Variants in KANSL3 observed in about 807,000 individuals in gnomAD.
KANSL3 encodes KAT8 regulatory NSL complex subunit 3.
In KANSL3, 16 loss-of-function variants were observed where a neutral mutation model predicts 89.2. That is an observed-to-expected ratio of 0.18 (90% CI 0.12 to 0.27). The LOEUF (loss-of-function observed/expected upper bound fraction) is 0.27. Among genes scored for constraint, KANSL3 ranks in the 10% least tolerant of loss-of-function variants. KANSL3 has a pLI of 1.00. For missense variants in KANSL3, 879 were observed against 1,110.6 expected (o/e 0.79, Z 2.96); for synonymous variants, 385 against 419.7 (o/e 0.92, Z 1.01).
At chr2:96,633,677 G>A (rs2073834184) in intron 2 of KANSL3, among the ~76,000 whole-genome samples, 1 of 151,968 alleles carries the variant, frequency 6.6e-6, no homozygotes, top group Non-Finnish European at 1.5e-5. Context: ...ACCAGCCTGG[G>A]CAACATGGTG....
downstream of KANSL3, among the ~76,000 whole-genome samples, chr2:96,590,456 C>A (rs1261947438): frequency 1.3e-5 from 2 of 151,812 alleles, no homozygotes; most frequent in Non-Finnish European, 2.9e-5. Flanking sequence ...TGACACCCGG[C>A]TAATTTGTAT....
chr2:96,590,987 A>AAAAACAAAAC (rs61301801), downstream of KANSL3, among the ~76,000 whole-genome samples: 144 of 151,564 alleles, frequency 9.5e-4, 1 homozygote, highest in African/African-American at 2.8e-3. Flanking sequence ...CTCCGTCTCA[A>AAAAACAAAAC]AAAACAAAAC....
intron 14 of KANSL3, chr2:96,607,125 T>C (rs2068101564): frequency 2.1e-6 from 2 of 944,804 alleles, no homozygotes; most frequent in African/African-American, 1.7e-5. Flanking sequence ...AGAAAAAAGG[T>C]TGTAGAAAAT....
At chr2:96,625,530 ATT>A (rs2072134054) in intron 3 of KANSL3, among the ~76,000 whole-genome samples, 1 of 152,170 alleles carries the variant, frequency 6.6e-6, no homozygotes, top group Non-Finnish European at 1.5e-5. Flanking sequence ...TGCTTTCCCT[ATT>A]TGTTTTTCTT....
chr2:96,619,732 T>C lies in KANSL3; in HGVS notation c.417A>G (p.Leu139=), dbSNP rs768491158. 1 of 1,559,666 alleles carries C rather than the reference T, an allele frequency of 6.4e-7. No homozygotes were observed. The highest frequency in any genetic ancestry group is 1.4e-5 in the African/African-American group (1 of 73,446). Residue 139 remains leucine (L), a synonymous_variant, in exon 4 of 21, where the codon CTA becomes CTG. Transcript: ENST00000431828. ...RTGWTMAQNK[L]FNKILKALQS... ...GCAGGGCTTTGAGGATCTTGTTGAA[T>C]AGCTTGTTCTGGGCCATTGTCCAGC...
chr2:96,593,335 G>A lies in KANSL3; in HGVS notation c.*2276C>T, dbSNP rs1032295578. ...CAAAACACAAGGACATCTCCATAGG[G>A]CATCAACATGCATCTGTCATCCAAG... is the stretch of plus-strand genomic sequence containing the variant. On this transcript the variant is annotated 3_prime_UTR_variant, in exon 21 of 21. Transcript: ENST00000431828. 8.8e-6 allele frequency: 4 copies of A among 455,480 alleles called. No individual in the cohort carries two copies. The highest frequency in any genetic ancestry group is 6.9e-5 in the East Asian group (1 of 14,408). The allele number at this position is 455,480 out of a possible 1,614,324, so 28.2% of individuals were successfully genotyped here. A position where few individuals can be genotyped will look rare whatever the true frequency, so the allele number is the denominator to read the frequency against.
chr2:96,634,966 T>C (rs1042085239), intron 2 of KANSL3, among the ~76,000 whole-genome samples: 1 of 152,194 alleles, frequency 6.6e-6, no homozygotes, highest in African/African-American at 2.4e-5. Flanking sequence ...TTCCTTCCAA[T>C]TCACCATAGC....
chr2:96,612,522 C>G lies in KANSL3; in HGVS notation c.954G>C (p.Gly318=), dbSNP rs777714084. ...GCTCGAGACACTGTAGAACTCCTACCCCACTGCCATTGTTCAGCAGATGGG... is the reference window on the plus strand; with the variant it reads ...GCTCGAGACACTGTAGAACTCCTACGCCACTGCCATTGTTCAGCAGATGGG... The part of the protein sequence containing the change: ...VATHLLNNGS[G]VGVLQCLEHM... The change falls in exon 8 of 21, where the codon GGG becomes GGC. Residue 318 remains glycine (G), a synonymous_variant. Coordinates refer to ENST00000431828, the MANE Select transcript of KANSL3 (RefSeq NM_001115016.3). 17 of 1,613,848 alleles carry G rather than the reference C, an allele frequency of 1.1e-5. No individual in the cohort carries two copies. Among genetic ancestry groups the G allele is most frequent in the Non-Finnish European group, 4.2e-6 (5 of 1,179,878 alleles).
intron 20 of KANSL3, chr2:96,600,599 G>C: frequency 2.0e-6 from 2 of 985,406 alleles, no homozygotes; most frequent in Non-Finnish European, 2.4e-6. Context: ...AAAGGACAGG[G>C]AGACACAGGA....
downstream of KANSL3, among the ~76,000 whole-genome samples, chr2:96,591,929 T>C (rs2066282876): frequency 6.6e-6 from 1 of 152,214 alleles, no homozygotes; most frequent in Non-Finnish European, 1.5e-5. Context: ...AGAGCTATTT[T>C]GGTGGTGAAT....
At chr2:96,595,749 A>G in intron 20 of KANSL3, 118 bp from the exon 21 acceptor site, 2 of 1,191,856 alleles carry the variant, frequency 1.7e-6, no homozygotes, top group Non-Finnish European at 2.4e-6. Context: ...TTAATTCTCA[A>G]TAGGAAAGAA....
downstream of KANSL3, among the ~76,000 whole-genome samples, chr2:96,588,454 C>T (rs974065075): frequency 5.3e-5 from 8 of 151,994 alleles, no homozygotes; most frequent in African/African-American, 1.9e-4. Context: ...AATGTGTTGC[C>T]GCTGACAACA....
downstream of KANSL3, among the ~76,000 whole-genome samples, chr2:96,590,449 C>T (rs1245875296): frequency 6.6e-6 from 1 of 151,864 alleles, no homozygotes; most frequent in African/African-American, 2.4e-5. Flanking sequence ...CGCGGCATGA[C>T]ACCCGGCTAA....
rs570247333 is a variant in KANSL3, at chr2:96,623,049, T to C, written c.387-3287A>G. Among the ~76,000 whole-genome samples, 19 of 152,380 alleles carry C rather than the reference T, an allele frequency of 1.2e-4. No homozygotes were observed. The East Asian group carries it at 2.9e-3, about 23-fold the overall frequency. ...TATTTATTTGTTTAGTTTGTTTCTC[T>C]CTGCCAGGGTGTAAAAGGCCAAGAT... On this transcript the variant is annotated intron_variant, in intron 3 of 20. Coordinates refer to ENST00000431828, the MANE Select transcript of KANSL3 (RefSeq NM_001115016.3).
chr2:96,633,485 C>T (rs1446527664), intron 2 of KANSL3, among the ~76,000 whole-genome samples: 1 of 151,046 alleles, frequency 6.6e-6, no homozygotes, highest in Non-Finnish European at 1.5e-5. Context: ...AGGAGAATGG[C>T]GTGAACCCGG....
chr2:96,602,881 G>A lies in KANSL3; in HGVS notation c.2150-19C>T. On this transcript the variant is annotated intron_variant, in intron 17 of 20. Transcript: ENST00000431828. ...GTGGCCCCTAAGAGAGGACATAGCAGGAATCAGTAGAGACTCAATCACTTG... is the reference window on the plus strand; with the variant it reads ...GTGGCCCCTAAGAGAGGACATAGCAAGAATCAGTAGAGACTCAATCACTTG... 1 of 1,609,454 alleles carries A rather than the reference G, an allele frequency of 6.2e-7. No individual in the cohort carries two copies. The highest frequency in any genetic ancestry group is 1.3e-5 in the African/African-American group (1 of 74,958).
intron 1 of KANSL3, among the ~76,000 whole-genome samples, chr2:96,637,561 G>A (rs1275506963): frequency 1.3e-5 from 2 of 152,152 alleles, no homozygotes; most frequent in Non-Finnish European, 2.9e-5. Flanking sequence ...TTCGTTGAAA[G>A]CTAAGGATCT....
chr2:96,589,129 G>T (rs994758466), downstream of KANSL3, among the ~76,000 whole-genome samples: 1 of 152,060 alleles, frequency 6.6e-6, no homozygotes, highest in Non-Finnish European at 1.5e-5. Flanking sequence ...TAAAAAAAGT[G>T]TTCAAGTAAC....
rs186106487 is a variant in KANSL3 at position 96,609,081 on chromosome 2, C to T, written c.1384-17G>A. 1.3e-6 allele frequency: 2 copies of T among 1,550,574 alleles called. No individual in the cohort carries two copies. The highest frequency in any genetic ancestry group is 1.7e-6 in the Non-Finnish European group (2 of 1,145,566). ...AATCTCATCCTAGTGTAGAGAGGAGCCAACCAAGGCCTTTTAGTCCTCATC... is the reference window on the plus strand; with the variant it reads ...AATCTCATCCTAGTGTAGAGAGGAGTCAACCAAGGCCTTTTAGTCCTCATC... On this transcript the variant is annotated splice_polypyrimidine_tract_variant and intron_variant, in intron 12 of 20. Coordinates refer to ENST00000431828, the MANE Select transcript of KANSL3 (RefSeq NM_001115016.3).
Sources: gnomAD v4.1 joint callset for allele counts (sites outside exome capture counted in the v4.1 genomes callset) on GRCh38, gnomAD v4.1.1 for gene constraint, MANE v1.5 for transcripts, NCBI Gene and HGNC (gene_info 2026-07-23, HGNC 2026-07-21) for gene names.